RASGEF1B: variants seen among roughly 807,000 people sequenced by gnomAD.
RASGEF1B encodes the protein ras-GEF domain-containing family member 1B.
In RASGEF1B, 30 loss-of-function variants were observed where a neutral mutation model predicts 65.7. The ratio of observed to expected loss-of-function variants is 0.46; its 90% CI spans 0.34 to 0.62. RASGEF1B has a LOEUF of 0.62. Ranked by LOEUF, RASGEF1B falls within the 20% of genes least tolerant of loss-of-function variation. The probability of loss-of-function intolerance (pLI) is 0.01; values close to 1 mark genes in which losing one functional copy is unlikely to be tolerated. For missense variants in RASGEF1B, 495 were observed against 580.1 expected (o/e 0.85, Z 1.51); for synonymous variants, 175 against 194.8 (o/e 0.90, Z 0.85).
chr4:81,457,463 G>A, intron 3 of RASGEF1B, 36 bp downstream of exon 3: 2 of 1,606,652 alleles, frequency 1.2e-6, no homozygotes, highest in Admixed American at 1.7e-5. Context: ...CATAAAGTAA[G>A]CATTCCTAAT....
At chr4:81,433,535 T>G (rs1386363835) in intron 12 of RASGEF1B, among the ~76,000 whole-genome samples, 1 of 152,156 alleles carries the variant, frequency 6.6e-6, no homozygotes. Flanking sequence ...AAACACCTTT[T>G]GTCTATTCAA....
chr4:81,441,457 T>C (rs11726251), intron 9 of RASGEF1B, among the ~76,000 whole-genome samples: 19,412 of 151,912 alleles, frequency 0.13, 1,478 homozygotes, highest in South Asian at 0.23. Flanking sequence ...TCTTATTGTC[T>C]CCAAAGATAG....
Position 81,459,456 on chromosome 4 carries a change from C to T in RASGEF1B, c.53G>A (p.Arg18Gln), listed in dbSNP as rs1183258544. 4 of 1,611,128 alleles carry T rather than the reference C, an allele frequency of 2.5e-6. No individual in the cohort carries two copies. The highest frequency in any genetic ancestry group is 3.4e-6 in the Non-Finnish European group (4 of 1,179,238). Reference sequence around the variant, plus strand: ...GTCCTCTGCAGACTGATAGAGGTTTCGATTGTAACCACTGCTGTCAAACAT... The same window carrying T: ...GTCCTCTGCAGACTGATAGAGGTTTTGATTGTAACCACTGCTGTCAAACAT... ...SAMFDSSGYN[R>Q]NLYQSAEDSC... Residue 18 changes from arginine (R) to glutamine (Q), a missense_variant, in exon 2 of 14, where the codon CGA becomes CAA. Arg to Gln is a conservative substitution (Grantham distance 43). Coordinates refer to ENST00000264400, the MANE Select transcript of RASGEF1B (RefSeq NM_152545.3).
chr4:81,442,559 T>C (rs997143549), intron 8 of RASGEF1B, among the ~76,000 whole-genome samples, 183 bp from the exon 9 acceptor site: 2 of 152,264 alleles, frequency 1.3e-5, no homozygotes, highest in Non-Finnish European at 2.9e-5. Flanking sequence ...ACAGCATAAA[T>C]GCTATCACTG....
At chr4:81,432,626 A>G (rs186247848) in intron 12 of RASGEF1B, among the ~76,000 whole-genome samples, 9 of 152,324 alleles carry the variant, frequency 5.9e-5, no homozygotes, top group Admixed American at 4.6e-4. Flanking sequence ...AAGGCAAAAA[A>G]AAGCTTATAA....
chr4:81,435,396 C>T (rs1460381276), intron 10 of RASGEF1B, among the ~76,000 whole-genome samples: 27 of 114,458 alleles, frequency 2.4e-4, no homozygotes, highest in Admixed American at 7.5e-4. Flanking sequence ...CCGGCCTGGG[C>T]GACAGAGCGA....
chr4:81,459,585 T>C (rs1722572051), intron 1 of RASGEF1B, 71 bp from the exon 2 acceptor site: 2 of 1,152,936 alleles, frequency 1.7e-6, no homozygotes, highest in South Asian at 3.3e-5. Context: ...TAAGCTTTAA[T>C]AGGCACTAAG....
chr4:81,438,722 GC>G (rs1295869461), intron 10 of RASGEF1B, among the ~76,000 whole-genome samples: 2 of 116,320 alleles, frequency 1.7e-5, no homozygotes, highest in Non-Finnish European at 3.6e-5. Flanking sequence ...CCCTCCCCTT[GC>G]CCCCCCAGCC....
chr4:81,431,007 T>A (rs912202001), intron 13 of RASGEF1B, among the ~76,000 whole-genome samples: 2 of 151,918 alleles, frequency 1.3e-5, no homozygotes, highest in Non-Finnish European at 2.9e-5. Flanking sequence ...TTACTGTTTT[T>A]AAAAATACAG....
Position 81,456,647 on chromosome 4 carries a change from C to T in RASGEF1B, c.438+4G>A, listed in dbSNP as rs1722452075. The T allele has an allele frequency of 6.2e-7, 1 of 1,613,952 alleles. No homozygotes were observed. Among genetic ancestry groups the T allele is most frequent in the African/African-American group, 1.3e-5 (1 of 74,946 alleles). ...AGCAGCCGCGCTAAATTCAGGTTACCAACCTCTTCGCCACTGGCTATTCGG... is the reference window on the plus strand; with the variant it reads ...AGCAGCCGCGCTAAATTCAGGTTACTAACCTCTTCGCCACTGGCTATTCGG... On this transcript the variant is annotated splice_donor_region_variant and intron_variant, in intron 4 of 13. Transcript: ENST00000264400.
chr4:81,446,110 C>T (rs575926212), intron 6 of RASGEF1B, among the ~76,000 whole-genome samples: 1 of 152,330 alleles, frequency 6.6e-6, no homozygotes, highest in Non-Finnish European at 1.5e-5. Context: ...CGTGGTGGCT[C>T]ACGCCTGTAA....
intron 13 of RASGEF1B, among the ~76,000 whole-genome samples, chr4:81,429,429 C>T (rs1386876780): frequency 6.6e-6 from 1 of 152,074 alleles, no homozygotes; most frequent in Admixed American, 6.5e-5. Flanking sequence ...GGGAAGAGCA[C>T]GGTCCCTTTA....
chr4:81,433,079 A>G lies in RASGEF1B; in HGVS notation c.1325-708T>C, dbSNP rs181445950. On this transcript the variant is annotated intron_variant, in intron 12 of 13. Coordinates refer to ENST00000264400, the MANE Select transcript of RASGEF1B (RefSeq NM_152545.3). The stretch of plus-strand genomic sequence containing the variant: ...AAAAAAAAAAAAAAGAAAGAAAAAA[A>G]TTAATCAGGCATGGTGGTGCACGCC... Among the ~76,000 whole-genome samples, 394 of 151,848 alleles carry G rather than the reference A, an allele frequency of 2.6e-3. 3 individuals carry two copies. The highest frequency in any genetic ancestry group is 9.0e-3 in the African/African-American group (374 of 41,462).
chr4:81,434,803 G>T, intron 10 of RASGEF1B, 69 bp from the exon 11 acceptor site: 2 of 767,566 alleles, frequency 2.6e-6, no homozygotes, highest in African/African-American at 1.7e-5. Context: ...AAATACACAA[G>T]ATTAATGAAC....
At chr4:81,461,110 G>T (rs1345065132) in intron 1 of RASGEF1B, among the ~76,000 whole-genome samples, 1 of 152,166 alleles carries the variant, frequency 6.6e-6, no homozygotes, top group East Asian at 1.9e-4. Context: ...ATTTTATAAG[G>T]CAATAGACAA....
rs2109967189 is a variant in RASGEF1B at position 81,434,630 on chromosome 4, C to G, written c.1200+9G>C. ...CTTGGATTTTTGTATCCTACTTTAT[C>G]ACACTCACCTCAAAATTGACATGGC... On this transcript the variant is annotated intron_variant, in intron 11 of 13. Transcript: ENST00000264400. 1.3e-6 allele frequency: 2 copies of G among 1,532,236 alleles called. No individual in the cohort carries two copies. The highest frequency in any genetic ancestry group is 1.8e-6 in the Non-Finnish European group (2 of 1,105,374). 94.9% of individuals were successfully genotyped at this position (1,532,236 alleles called of 1,614,324 possible).
chr4:81,433,745 C>A, intron 12 of RASGEF1B, 95 bp downstream of exon 12: 1 of 1,275,472 alleles, frequency 7.8e-7, no homozygotes, highest in Non-Finnish European at 1.1e-6. Flanking sequence ...AGAGGACAGG[C>A]CTCATTACTA....
At chr4:81,458,831 T>C (rs1722540670) in intron 2 of RASGEF1B, among the ~76,000 whole-genome samples, 1 of 152,246 alleles carries the variant, frequency 6.6e-6, no homozygotes, top group African/African-American at 2.4e-5. Context: ...GCTAGCTATA[T>C]AAATGTAGGT....
chr4:81,437,959 G>T (rs1721691637), intron 10 of RASGEF1B, among the ~76,000 whole-genome samples: 1 of 152,212 alleles, frequency 6.6e-6, no homozygotes, highest in African/African-American at 2.4e-5. Context: ...TGAAGGTCTT[G>T]TCAATGATGT....
Sources: allele counts gnomAD v4.1 joint callset (sites outside exome capture counted in the v4.1 genomes callset), GRCh38; gene constraint gnomAD v4.1.1; transcripts MANE v1.5; gene names NCBI Gene and HGNC (gene_info 2026-07-23, HGNC 2026-07-21).